The following MICU1 variants were observed in gnomAD, a reference collection of about 807,000 sequenced individuals.
MICU1 encodes calcium uptake protein 1, mitochondrial.
A neutral mutation model predicts 56.8 loss-of-function variants in MICU1; 45 were observed. That is an observed-to-expected ratio of 0.79 (90% CI 0.62 to 1.02). The LOEUF is 1.02. Among genes scored for constraint, MICU1 ranks in the 50% least tolerant of loss-of-function variants. The pLI, the probability that MICU1 is intolerant of heterozygous loss-of-function variation, is 0.00. For synonymous variants in MICU1, 186 were observed against 195.1 expected (o/e 0.95, Z 0.39); for missense variants, 504 against 587.1 (o/e 0.86, Z 1.46).
At chr10:72,572,056 T>A (rs1240352015) in intron 1 of MICU1, among the ~76,000 whole-genome samples, 1 of 150,068 alleles carries the variant, frequency 6.7e-6, no homozygotes, top group Admixed American at 6.6e-5. Context: ...AGAAATCCAA[T>A]GATCCAAGAT....
intron 11 of MICU1, among the ~76,000 whole-genome samples, chr10:72,369,020 G>A (rs1862238439): frequency 6.6e-6 from 1 of 152,108 alleles, no homozygotes; most frequent in Non-Finnish European, 1.5e-5. Flanking sequence ...GCTTGTGCTT[G>A]ATTTCCTAGC....
At chr10:72,454,798 A>C (rs1564879465) in intron 8 of MICU1, among the ~76,000 whole-genome samples, 1 of 145,360 alleles carries the variant, frequency 6.9e-6, no homozygotes, top group African/African-American at 2.7e-5. Flanking sequence ...AAAAAAAAAA[A>C]CAAAAAACAA....
At chr10:72,464,770 T>G (rs1865739281) in intron 8 of MICU1, among the ~76,000 whole-genome samples, 1 of 152,160 alleles carries the variant, frequency 6.6e-6, no homozygotes, top group African/African-American at 2.4e-5. Flanking sequence ...AAGCCAGAAA[T>G]GATAGCAAAC....
chr10:72,417,459 A>AG, intron 9 of MICU1, among the ~76,000 whole-genome samples: 1 of 151,470 alleles, frequency 6.6e-6, no homozygotes, highest in East Asian at 1.9e-4. Context: ...GTCTCAAAAA[A>AG]AAAAAAAAAA....
chr10:72,493,196 TACAC>T (rs530440558), intron 6 of MICU1, among the ~76,000 whole-genome samples: 2 of 150,798 alleles, frequency 1.3e-5, no homozygotes, highest in South Asian at 4.2e-4. Context: ...TACATGTGTA[TACAC>T]ACACACACAC....
intron 10 of MICU1, among the ~76,000 whole-genome samples, chr10:72,404,091 G>C (rs1369558843): frequency 6.6e-6 from 1 of 152,028 alleles, no homozygotes; most frequent in Non-Finnish European, 1.5e-5. Flanking sequence ...CTGGGTTCTA[G>C]CAATTCTCCT....
intron 6 of MICU1, among the ~76,000 whole-genome samples, chr10:72,493,443 T>A (rs928482898): frequency 6.6e-6 from 1 of 152,132 alleles, no homozygotes; most frequent in African/African-American, 2.4e-5. Context: ...TGTTTTTTAA[T>A]TATTTTACTT....
chr10:72,465,660 C>T (rs990869546), intron 8 of MICU1, among the ~76,000 whole-genome samples: 2 of 151,910 alleles, frequency 1.3e-5, no homozygotes, highest in African/African-American at 2.4e-5. Context: ...ATTACAGGTA[C>T]CTGCCACCAC....
chr10:72,550,091 T>C (rs1013375527), intron 4 of MICU1, among the ~76,000 whole-genome samples: 15 of 152,194 alleles, frequency 9.9e-5, no homozygotes, highest in African/African-American at 3.6e-4. Context: ...CTAGTGACTT[T>C]GTACCAATAA....
chr10:72,425,900 T>A (rs989461323), intron 8 of MICU1, among the ~76,000 whole-genome samples: 1 of 152,172 alleles, frequency 6.6e-6, no homozygotes. Context: ...AGGACCTTCA[T>A]TCGGGTTAAA....
chr10:72,432,666 C>T (rs1355156947), intron 8 of MICU1, among the ~76,000 whole-genome samples: 1 of 152,140 alleles, frequency 6.6e-6, no homozygotes, highest in East Asian at 1.9e-4. Context: ...AGGTTCCAGG[C>T]TGTTTTAAAA....
chr10:72,448,444 A>T (rs1277516325), intron 8 of MICU1, among the ~76,000 whole-genome samples: 1 of 151,052 alleles, frequency 6.6e-6, no homozygotes, highest in Non-Finnish European at 1.5e-5. Context: ...AAAGTGCTGC[A>T]ATTACAGGTG....
At chr10:72,428,988 G>A (rs1055498451) in intron 8 of MICU1, among the ~76,000 whole-genome samples, 1 of 152,206 alleles carries the variant, frequency 6.6e-6, no homozygotes, top group Non-Finnish European at 1.5e-5. Context: ...CTTCAAGGAA[G>A]TGGCTTACCC....
chr10:72,411,931 A>G (rs1054278716), intron 9 of MICU1, among the ~76,000 whole-genome samples: 2 of 152,236 alleles, frequency 1.3e-5, no homozygotes, highest in East Asian at 3.8e-4. Flanking sequence ...ATCACATTAT[A>G]TAACTATTAA....
In MICU1 at chr10:72,491,734, C is replaced by T. The variant is rs192874836; in HGVS notation, c.653-14478G>A. 1.1e-4 allele frequency among the ~76,000 whole-genome samples: 16 copies of T among 152,218 alleles called. No homozygotes were observed. In the East Asian group the frequency reaches 2.3e-3, roughly 22 times the overall value. On this transcript the variant is annotated intron_variant, in intron 6 of 11. Coordinates refer to ENST00000361114, the MANE Select transcript of MICU1 (RefSeq NM_001195518.2). ...TGGAGGTACTCTAGGTACATACATA[C>T]ATTCAAGTGTAACTCTAAATCACTA...
chr10:72,464,612 T>C (rs774283022), intron 8 of MICU1, among the ~76,000 whole-genome samples: 3 of 152,206 alleles, frequency 2.0e-5, no homozygotes, highest in Admixed American at 6.5e-5. Flanking sequence ...ATATACCATA[T>C]AGCTATACCA....
At chr10:72,543,737 C>T (rs1315730062) in intron 4 of MICU1, among the ~76,000 whole-genome samples, 1 of 151,976 alleles carries the variant, frequency 6.6e-6, no homozygotes, top group Non-Finnish European at 1.5e-5. Flanking sequence ...CGCCTGTAGT[C>T]CCAGCTGGAG....
At position 72,505,842 on chromosome 10, in the gene MICU1, A is replaced by G. The variant is rs1867229520; in HGVS notation, c.652+2313T>C. On this transcript the variant is annotated intron_variant, in intron 6 of 11. Transcript: ENST00000361114. ...TAGAGCGGGAGGGGGACAAGGGCTG[A>G]AAACCTACCTATTGGGTACTATGCT... Among the ~76,000 whole-genome samples, 5 of 152,294 alleles carry G rather than the reference A, an allele frequency of 3.3e-5. No homozygotes were observed. The South Asian group carries it at 1.0e-3, about 32-fold the overall frequency.
At chr10:72,374,567 G>A (rs1249812763) in intron 11 of MICU1, among the ~76,000 whole-genome samples, 2 of 152,134 alleles carry the variant, frequency 1.3e-5, no homozygotes, top group African/African-American at 4.8e-5. Flanking sequence ...CCCTTAAAAA[G>A]CTCAGGGAAC....
Sources: allele counts gnomAD v4.1 joint callset (sites outside exome capture counted in the v4.1 genomes callset), GRCh38; gene constraint gnomAD v4.1.1; transcripts MANE v1.5; gene names NCBI Gene and HGNC (gene_info 2026-07-23, HGNC 2026-07-21).